The following ADAM12 variants were observed in gnomAD, a reference collection of about 807,000 sequenced individuals.
ADAM12 encodes the protein ADAM metallopeptidase domain 12.
Under a neutral mutation model 106.4 loss-of-function variants are expected in ADAM12, and 70 were observed. The observed-to-expected ratio is 0.66, with a 90% CI of 0.54 to 0.80. The LOEUF (loss-of-function observed/expected upper bound fraction) is 0.80, where lower values mean the gene tolerates loss of function less well. Ranked by LOEUF, ADAM12 falls within the 30% of genes least tolerant of loss-of-function variation. ADAM12 has a pLI of 0.00. For missense variants in ADAM12, 1,010 were observed against 1,171.9 expected (o/e 0.86, Z 2.02); for synonymous variants, 420 against 433.5 (o/e 0.97, Z 0.39).
At chr10:126,041,843 T>C in intron 18 of ADAM12, 1 of 1,252,000 alleles carries the variant, frequency 8.0e-7, no homozygotes, top group Admixed American at 4.0e-5. Context: ...GCTGCAGGGC[T>C]GGGGCCTGCC....
At chr10:126,348,496 G>A (rs567097221) in intron 1 of ADAM12, among the ~76,000 whole-genome samples, 33 of 152,274 alleles carry the variant, frequency 2.2e-4, no homozygotes, top group African/African-American at 7.0e-4. Flanking sequence ...CCTATACAAT[G>A]TGGGAACAAA....
At chr10:126,065,241 C>G (rs1050584924) in intron 13 of ADAM12, among the ~76,000 whole-genome samples, 7 of 152,148 alleles carry the variant, frequency 4.6e-5, no homozygotes, top group Non-Finnish European at 4.4e-5. Flanking sequence ...TAATGTCATG[C>G]AACATCAGGG....
chr10:126,380,524 A>AG (rs1163420741), intron 1 of ADAM12, among the ~76,000 whole-genome samples: 1 of 152,252 alleles, frequency 6.6e-6, no homozygotes, highest in Non-Finnish European at 1.5e-5. Context: ...AGGAACAACA[A>AG]GATTCTTTCA....
chr10:126,360,995 G>C (rs1324208677), intron 1 of ADAM12, among the ~76,000 whole-genome samples: 1 of 152,206 alleles, frequency 6.6e-6, no homozygotes, highest in East Asian at 1.9e-4. Flanking sequence ...AGCAAAGAGA[G>C]AGGTTGTGCA....
rs1011878743 is a variant in ADAM12 at position 126,043,632 on chromosome 10, G to A, written c.1996-484C>T. The stretch of plus-strand genomic sequence containing the variant: ...GAGGCTGGTGACTGCCGGGTCCCAC[G>A]CCAGGCTGGGGTCCGAGGCAGGCCC... On this transcript the variant is annotated intron_variant, in intron 17 of 22. Coordinates refer to ENST00000448723, the MANE Select transcript of ADAM12 (RefSeq NM_001288973.2). The surrounding 1 kb of genome is among the most constrained non-coding windows in gnomAD (Gnocchi z 4.1). 2.6e-5 allele frequency among the ~76,000 whole-genome samples: 4 copies of A among 152,164 alleles called. No individual in the cohort carries two copies. The highest frequency in any genetic ancestry group is 3.9e-4 in the East Asian group (2 of 5,168).
intron 3 of ADAM12, among the ~76,000 whole-genome samples, chr10:126,160,135 A>G (rs1331901964): frequency 6.6e-6 from 1 of 152,230 alleles, no homozygotes; most frequent in East Asian, 1.9e-4. Flanking sequence ...GGGAAGGGGA[A>G]GGGGAAGACA....
At chr10:126,322,910 T>C (rs1854154252) in intron 2 of ADAM12, among the ~76,000 whole-genome samples, 1 of 152,168 alleles carries the variant, frequency 6.6e-6, no homozygotes, top group South Asian at 2.1e-4. Flanking sequence ...TGATGGGTTA[T>C]ATGAGGTCTG....
intron 12 of ADAM12, among the ~76,000 whole-genome samples, chr10:126,069,275 GAAAAGCAAAAAATAAAA>G (rs1260304905): frequency 6.6e-6 from 1 of 151,746 alleles, no homozygotes; most frequent in African/African-American, 2.4e-5. Context: ...ACTATTTTTT[GAAAAGCAAAAAATAAAA>G]AAAAGCAAAT....
intron 8 of ADAM12, among the ~76,000 whole-genome samples, chr10:126,106,986 AT>A (rs1465583586): frequency 3.3e-5 from 5 of 152,206 alleles, no homozygotes; most frequent in African/African-American, 1.2e-4. Context: ...AGCACCGTGA[AT>A]CTTTGCAGCT....
At chr10:126,194,704 T>C (rs1424016852) in intron 3 of ADAM12, among the ~76,000 whole-genome samples, 2 of 152,270 alleles carry the variant, frequency 1.3e-5, no homozygotes, top group Non-Finnish European at 2.9e-5. Flanking sequence ...AATGTGGTTT[T>C]GTGGAAGCAA....
At chr10:126,225,922 C>T (rs1052292074) in intron 3 of ADAM12, among the ~76,000 whole-genome samples, 9 of 152,058 alleles carry the variant, frequency 5.9e-5, no homozygotes, top group Admixed American at 2.6e-4. Flanking sequence ...GGAACAAAGT[C>T]GAAGCCTTTC....
At chr10:126,358,754 C>A (rs934893686) in intron 1 of ADAM12, among the ~76,000 whole-genome samples, 1 of 152,008 alleles carries the variant, frequency 6.6e-6, no homozygotes, top group African/African-American at 2.4e-5. Flanking sequence ...TCTAAAGATT[C>A]TCTAAAAAAA....
intron 3 of ADAM12, among the ~76,000 whole-genome samples, chr10:126,189,489 T>C (rs1333116821): frequency 6.6e-6 from 1 of 152,212 alleles, no homozygotes; most frequent in East Asian, 1.9e-4. Flanking sequence ...CAGCCACAAG[T>C]ACGGCTGCTC....
At chr10:126,333,644 G>A (rs1204755582) in intron 1 of ADAM12, among the ~76,000 whole-genome samples, 1 of 152,176 alleles carries the variant, frequency 6.6e-6, no homozygotes, top group Non-Finnish European at 1.5e-5. Context: ...GAAACCAAGT[G>A]TAAAGAACAT....
intron 3 of ADAM12, among the ~76,000 whole-genome samples, chr10:126,243,083 C>A (rs2242387): frequency 2.6e-5 from 4 of 152,178 alleles, no homozygotes; most frequent in African/African-American, 9.7e-5. Context: ...CCTGTCAGCG[C>A]GTGCAGAGCA....
At position 126,043,119 on chromosome 10, in the gene ADAM12, G is replaced by A. The variant is rs764008989; in HGVS notation, c.2025C>T (p.Cys675=). 23 of 1,614,028 alleles carry A rather than the reference G, an allele frequency of 1.4e-5. No homozygotes were observed. Among genetic ancestry groups the A allele is most frequent in the Non-Finnish European group, 1.7e-5 (20 of 1,180,016 alleles). Residue 675 remains cysteine, a synonymous_variant, in exon 18 of 23, where the codon TGC becomes TGT. Transcript: ENST00000448723. This position sits in a 1 kb window ranked among gnomAD's most constrained non-coding sequence, Gnocchi z 4.1. ...AGAAGGGAGGTGCCCAGTGGGCCTC[G>A]CAGTGGCAGTTCTTCCTGTTGTTGC... The part of the protein sequence containing the change: ...GVCNNRKNCH[C]EAHWAPPFCD...
At chr10:126,169,234 C>A (rs200128676) in intron 3 of ADAM12, among the ~76,000 whole-genome samples, 2 of 152,192 alleles carry the variant, frequency 1.3e-5, no homozygotes, top group East Asian at 3.8e-4. Flanking sequence ...CTCTTAGTAA[C>A]CCCCATCCAA....
chr10:126,110,701 C>T (rs1955853609), intron 6 of ADAM12, among the ~76,000 whole-genome samples: 1 of 152,152 alleles, frequency 6.6e-6, no homozygotes, highest in Admixed American at 6.5e-5. Context: ...ACATTTTAAT[C>T]AAACTTCCTC....
chr10:126,093,366 G>A (rs1437392514), intron 11 of ADAM12, among the ~76,000 whole-genome samples: 1 of 152,100 alleles, frequency 6.6e-6, no homozygotes, highest in African/African-American at 2.4e-5. Flanking sequence ...GAACCAAGTC[G>A]GGAGTGTCAG....
Sources: allele counts gnomAD v4.1 joint callset (sites outside exome capture counted in the v4.1 genomes callset), GRCh38; gene constraint gnomAD v4.1.1; non-coding constraint Gnocchi (gnomAD v3.1); transcripts MANE v1.5; gene names NCBI Gene and HGNC (gene_info 2026-07-23, HGNC 2026-07-21).